Variants in CCDC148 observed in about 807,000 individuals in gnomAD.
The protein encoded by CCDC148 is coiled-coil domain containing 148.
Under a neutral mutation model 85.7 loss-of-function variants are expected in CCDC148, and 89 were observed. That is an observed-to-expected ratio of 1.04 (90% CI 0.87 to 1.24). The LOEUF (loss-of-function observed/expected upper bound fraction) is 1.24. Ranked by LOEUF, CCDC148 falls within the 50% of genes most tolerant of loss-of-function variation. The pLI is 0.00. For missense variants in CCDC148, 692 were observed against 671.7 expected (o/e 1.03, Z -0.33); for synonymous variants, 230 against 213.9 (o/e 1.08, Z -0.66).
intron 1 of CCDC148, among the ~76,000 whole-genome samples, chr2:158,452,605 GGTTCTCTT>G (rs147912677): frequency 0.014 from 2,077 of 152,226 alleles, 50 homozygotes; most frequent in African/African-American, 0.046. Context: ...TGCTCTCTCT[GGTTCTCTT>G]GTTCTCTTAA....
chr2:158,259,657 G>A (rs1483721306), intron 9 of CCDC148, among the ~76,000 whole-genome samples: 2 of 151,864 alleles, frequency 1.3e-5, no homozygotes, highest in Non-Finnish European at 2.9e-5. Flanking sequence ...ACCAGTTCAA[G>A]TGGCCTTACA....
chr2:158,418,871 C>T (rs1042991357), intron 1 of CCDC148, among the ~76,000 whole-genome samples: 1 of 152,216 alleles, frequency 6.6e-6, no homozygotes, highest in East Asian at 1.9e-4. Flanking sequence ...ATGAGTGAAT[C>T]AATGAGTGAA....
chr2:158,355,659 G>A (rs1434734635), intron 2 of CCDC148, among the ~76,000 whole-genome samples: 2 of 130,122 alleles, frequency 1.5e-5, no homozygotes, highest in East Asian at 4.4e-4. Flanking sequence ...ACTGCCCAAG[G>A]TAATTTACAG....
At chr2:158,381,133 A>T (rs1000476334) in intron 1 of CCDC148, among the ~76,000 whole-genome samples, 4 of 152,192 alleles carry the variant, frequency 2.6e-5, no homozygotes, top group African/African-American at 9.6e-5. Context: ...AATTAAGACC[A>T]TCTATTCATC....
At chr2:158,329,493 G>A (rs945513379) in intron 7 of CCDC148, among the ~76,000 whole-genome samples, 11 of 151,934 alleles carry the variant, frequency 7.2e-5, no homozygotes, top group Admixed American at 2.0e-4. Flanking sequence ...GGCGATGTGG[G>A]CTCTTTTTTG....
intron 9 of CCDC148, among the ~76,000 whole-genome samples, chr2:158,278,852 T>C (rs1332319749): frequency 6.6e-6 from 1 of 152,198 alleles, no homozygotes; most frequent in East Asian, 1.9e-4. Context: ...CCCTGACCCC[T>C]GAGCAGCCTA....
intron 1 of CCDC148, among the ~76,000 whole-genome samples, chr2:158,421,136 A>G (rs1467868311): frequency 6.6e-6 from 1 of 152,086 alleles, no homozygotes; most frequent in Non-Finnish European, 1.5e-5. Flanking sequence ...CACAATAATA[A>G]TGGGAGACTT....
chr2:158,293,998 C>CT (rs1691033354), intron 9 of CCDC148, among the ~76,000 whole-genome samples: 1 of 52,936 alleles, frequency 1.9e-5, no homozygotes, highest in Non-Finnish European at 4.0e-5. Context: ...CCCTCCCTCC[C>CT]TCCCTCCTTC....
At chr2:158,284,198 C>T (rs888254213) in intron 9 of CCDC148, among the ~76,000 whole-genome samples, 7 of 151,506 alleles carry the variant, frequency 4.6e-5, no homozygotes, top group Non-Finnish European at 7.4e-5. Flanking sequence ...GTGGGTGAAG[C>T]GCACCAGCAT....
At chr2:158,175,004 G>A (rs1684505255) in intron 13 of CCDC148, among the ~76,000 whole-genome samples, 1 of 152,006 alleles carries the variant, frequency 6.6e-6, no homozygotes, top group Non-Finnish European at 1.5e-5. Flanking sequence ...AAATGCCTTA[G>A]TAGCAAGACC....
chr2:158,215,362 G>A (rs1375312156), intron 11 of CCDC148, among the ~76,000 whole-genome samples: 1 of 152,090 alleles, frequency 6.6e-6, no homozygotes, highest in Non-Finnish European at 1.5e-5. Context: ...TCATTTTGAA[G>A]TTTGTGCTCT....
At chr2:158,222,769 G>A (rs959565058) in intron 10 of CCDC148, among the ~76,000 whole-genome samples, 9 of 152,130 alleles carry the variant, frequency 5.9e-5, no homozygotes, top group African/African-American at 2.2e-4. Flanking sequence ...TCTACCTGTC[G>A]TTATCATTGG....
chr2:158,197,845 T>C (rs1259064169), intron 11 of CCDC148, among the ~76,000 whole-genome samples: 1 of 152,146 alleles, frequency 6.6e-6, no homozygotes, highest in Non-Finnish European at 1.5e-5. Context: ...ATTTTTGGAA[T>C]AGAAAAGGTA....
At chr2:158,346,524 C>T (rs1683002526) in intron 2 of CCDC148, among the ~76,000 whole-genome samples, 1 of 152,142 alleles carries the variant, frequency 6.6e-6, no homozygotes, top group Non-Finnish European at 1.5e-5. Flanking sequence ...TCAGTGCTAT[C>T]ACCTGCATAA....
At chr2:158,182,238 C>T (rs928989071) in intron 11 of CCDC148, among the ~76,000 whole-genome samples, 4 of 151,954 alleles carry the variant, frequency 2.6e-5, no homozygotes, top group Non-Finnish European at 5.9e-5. Context: ...AGGCAGATGC[C>T]ACCATCTAGA....
At chr2:158,427,879 A>C (rs1258065087) in intron 1 of CCDC148, among the ~76,000 whole-genome samples, 1 of 152,102 alleles carries the variant, frequency 6.6e-6, no homozygotes, top group African/African-American at 2.4e-5. Context: ...GAAAAAAAAG[A>C]AGGAAGTGGG....
At chr2:158,345,408 T>A (rs1574659205) in intron 2 of CCDC148, 90 bp from the exon 3 acceptor site, 5 of 811,016 alleles carry the variant, frequency 6.2e-6, no homozygotes, top group African/African-American at 3.6e-5. Context: ...TTTTCTAAGT[T>A]AAATAGTTTC....
intron 9 of CCDC148, among the ~76,000 whole-genome samples, chr2:158,266,358 T>C (rs1275175445): frequency 1.3e-5 from 2 of 152,158 alleles, no homozygotes; most frequent in East Asian, 1.9e-4. Flanking sequence ...GGAATGAGTG[T>C]AGGCCTGCGG....
chr2:158,338,512 T>A (rs1682503623), intron 7 of CCDC148: 1 of 443,278 alleles, frequency 2.3e-6, no homozygotes, highest in Non-Finnish European at 3.9e-6. Context: ...TTTCAACATG[T>A]CTTAACCTTA....
Sources: gnomAD v4.1 joint callset for allele counts (sites outside exome capture counted in the v4.1 genomes callset) on GRCh38, gnomAD v4.1.1 for gene constraint, MANE v1.5 for transcripts, NCBI Gene and HGNC (gene_info 2026-07-23, HGNC 2026-07-21) for gene names.